Variants in SHISA9 observed in about 807,000 individuals in gnomAD.
SHISA9 encodes protein shisa-9.
A neutral mutation model predicts 38.0 loss-of-function variants in SHISA9; 13 were observed. The ratio of observed to expected loss-of-function variants is 0.34; its 90% confidence interval spans 0.22 to 0.54. The LOEUF is 0.54. SHISA9 is among the 20% of genes least tolerant of loss of function. The pLI is 0.91. For missense variants in SHISA9, 538 were observed against 575.8 expected (o/e 0.93, Z 0.67); for synonymous variants, 275 against 242.0 (o/e 1.14, Z -1.27).
the SHISA9 span, among the ~76,000 whole-genome samples, chr16:13,372,627 A>G: frequency 6.6e-6 from 1 of 152,224 alleles, no homozygotes; most frequent in African/African-American, 2.4e-5. Context: ...CTGGTTAGCT[A>G]TTCATTTCAG....
intron 2 of SHISA9, among the ~76,000 whole-genome samples, chr16:13,021,424 A>G (rs62027198): frequency 0.13 from 19,676 of 152,188 alleles, 1,368 homozygotes; most frequent in Middle Eastern, 0.17. Flanking sequence ...CCACATAGAG[A>G]TGGAAGCCGA....
At chr16:13,397,493 A>G in the SHISA9 span, among the ~76,000 whole-genome samples, 3 of 152,130 alleles carry the variant, frequency 2.0e-5, no homozygotes, top group African/African-American at 7.2e-5. Context: ...GCAGTACAGT[A>G]GTGCAATCTT....
chr16:13,048,086 G>T (rs1448052589), intron 2 of SHISA9, among the ~76,000 whole-genome samples: 2 of 152,174 alleles, frequency 1.3e-5, no homozygotes, highest in East Asian at 1.9e-4. Context: ...GGGAGACCAC[G>T]CTCCAAACCA....
chr16:13,239,577 C>G lies in SHISA9; in HGVS notation c.*4168C>G, dbSNP rs1234331430. 1 of 152,170 alleles carries G rather than the reference C, an allele frequency of 6.6e-6. No homozygotes were observed. Among genetic ancestry groups the G allele is most frequent in the African/African-American group, 2.4e-5 (1 of 41,438 alleles). 9.4% of individuals were successfully genotyped at this position (152,170 alleles called of 1,614,324 possible). On this transcript the variant is annotated 3_prime_UTR_variant, in exon 5 of 5. Transcript: ENST00000558583. ...CATTGTGGTTTTGATTTGCATTTCT[C>G]TGATGGCCAGTGATGATGAGCATTT...
At chr16:13,188,639 C>G (rs893542871) in intron 2 of SHISA9, among the ~76,000 whole-genome samples, 1 of 148,874 alleles carries the variant, frequency 6.7e-6, no homozygotes, top group Non-Finnish European at 1.5e-5. Context: ...ATCACTTGAG[C>G]CTAGGAAGTC....
At chr16:13,479,168 C>T in the SHISA9 span, among the ~76,000 whole-genome samples, 63 of 152,224 alleles carry the variant, frequency 4.1e-4, no homozygotes, top group African/African-American at 1.4e-3. Context: ...TCCTTTGTCT[C>T]GTCCCTTTCA....
At chr16:12,948,690 G>A (rs1166025586) in intron 2 of SHISA9, among the ~76,000 whole-genome samples, 3 of 152,106 alleles carry the variant, frequency 2.0e-5, no homozygotes, top group Non-Finnish European at 4.4e-5. Flanking sequence ...CTGTTCACAA[G>A]GGCTCTACCC....
chr16:13,481,913 A>AT, the SHISA9 span, among the ~76,000 whole-genome samples: 1 of 152,262 alleles, frequency 6.6e-6, no homozygotes, highest in Non-Finnish European at 1.5e-5. Context: ...AAGAGAACTC[A>AT]TACATACTTT....
chr16:13,509,272 CA>C, the SHISA9 span, among the ~76,000 whole-genome samples: 20,573 of 146,230 alleles, frequency 0.14, 1,766 homozygotes, highest in African/African-American at 0.25. Flanking sequence ...GTCAGAAATG[CA>C]AAAAAAAAAG....
the SHISA9 span, among the ~76,000 whole-genome samples, chr16:13,330,381 A>G: frequency 1.3e-5 from 2 of 152,198 alleles, no homozygotes; most frequent in Non-Finnish European, 1.5e-5. Flanking sequence ...ACAAGATAAT[A>G]CCTGCCAATG....
At chr16:12,908,510 C>T (rs188804879) in intron 1 of SHISA9, 8 of 1,552,242 alleles carry the variant, frequency 5.2e-6, no homozygotes, top group Non-Finnish European at 5.2e-6. Context: ...TATGGAGGCA[C>T]AGATTTCTTT....
intron 2 of SHISA9, among the ~76,000 whole-genome samples, chr16:13,096,760 T>A (rs1037919114): frequency 3.3e-5 from 5 of 152,190 alleles, no homozygotes; most frequent in Non-Finnish European, 5.9e-5. Flanking sequence ...CTTCTTGGAC[T>A]TTTGATGTTT....
intron 2 of SHISA9, among the ~76,000 whole-genome samples, chr16:13,147,461 C>CTTTTTTTTTT (rs55972023): frequency 1.5e-5 from 1 of 65,082 alleles, no homozygotes; most frequent in African/African-American, 5.5e-5. Context: ...GTAAACTGAG[C>CTTTTTTTTTT]TTTTTTTTTT....
chr16:13,397,729 C>T, the SHISA9 span, among the ~76,000 whole-genome samples: 10 of 152,146 alleles, frequency 6.6e-5, no homozygotes, highest in Non-Finnish European at 8.8e-5. Context: ...CCACTGTGCC[C>T]GGCCACAGTG....
At chr16:13,190,729 C>T (rs1411986529) in intron 2 of SHISA9, among the ~76,000 whole-genome samples, 2 of 152,164 alleles carry the variant, frequency 1.3e-5, no homozygotes, top group East Asian at 1.9e-4. Context: ...TCTCTGTCCC[C>T]CAGAGCCTGC....
chr16:13,503,054 G>A, the SHISA9 span, among the ~76,000 whole-genome samples: 10 of 152,162 alleles, frequency 6.6e-5, no homozygotes, highest in Non-Finnish European at 1.2e-4. Context: ...CGACATGGCA[G>A]TTCTCAAAGG....
At position 13,233,539 on chromosome 16, in the gene SHISA9, G is replaced by A. The variant is rs1036217568; in HGVS notation, c.896-1491G>A. ...ATATCTCAGGCTCTTCAGGTCTCACGGTTTCTGTCAGCTGAGTTTCAACCA... is the reference window on the plus strand; with the variant it reads ...ATATCTCAGGCTCTTCAGGTCTCACAGTTTCTGTCAGCTGAGTTTCAACCA... On this transcript the variant is annotated intron_variant, in intron 4 of 4. Transcript: ENST00000558583. Among the ~76,000 whole-genome samples, 12 of 152,276 alleles carry A rather than the reference G, an allele frequency of 7.9e-5. No individual in the cohort carries two copies. In the East Asian group the frequency reaches 1.5e-3, roughly 20 times the overall value.
At chr16:13,099,511 T>G (rs73520658) in intron 2 of SHISA9, among the ~76,000 whole-genome samples, 1 of 152,018 alleles carries the variant, frequency 6.6e-6, no homozygotes, top group Non-Finnish European at 1.5e-5. Context: ...ACTAAGAAGA[T>G]GCCATTTCAG....
intron 2 of SHISA9, among the ~76,000 whole-genome samples, chr16:13,000,118 G>C (rs1298971458): frequency 6.6e-6 from 1 of 151,826 alleles, no homozygotes; most frequent in Non-Finnish European, 1.5e-5. Context: ...CTATGAATTA[G>C]GGACACTTAG....
Sources: gnomAD v4.1 joint callset for allele counts (sites outside exome capture counted in the v4.1 genomes callset) on GRCh38, gnomAD v4.1.1 for gene constraint, MANE v1.5 for transcripts, NCBI Gene and HGNC (gene_info 2026-07-23, HGNC 2026-07-21) for gene names.